Variants in FUT8 observed in about 807,000 individuals in gnomAD.
The protein encoded by FUT8 is fucosyltransferase 8.
A neutral mutation model predicts 71.3 loss-of-function variants in FUT8; 29 were observed. That is an observed-to-expected ratio of 0.41 (90% CI 0.30 to 0.55). The LOEUF is 0.55. FUT8 is among the 20% of genes least tolerant of loss of function. The probability of loss-of-function intolerance (pLI) is 0.34; values close to 1 mark genes in which losing one functional copy is unlikely to be tolerated. For missense variants in FUT8, 544 were observed against 702.1 expected (o/e 0.77, Z 2.55); for synonymous variants, 254 against 239.3 (o/e 1.06, Z -0.57).
intron 6 of FUT8, among the ~76,000 whole-genome samples, chr14:65,667,145 C>T (rs888678023): frequency 3.9e-5 from 6 of 152,082 alleles, no homozygotes; most frequent in Non-Finnish European, 8.8e-5. Context: ...TGCTGTTCAA[C>T]ATAGTTCTAA....
chr14:65,408,603 C>T (rs559515345), upstream of FUT8, among the ~76,000 whole-genome samples: 18 of 152,170 alleles, frequency 1.2e-4, no homozygotes, highest in African/African-American at 2.2e-4. Flanking sequence ...TAAGGAAGGA[C>T]GGGAGTGAAT....
At chr14:65,589,723 C>T (rs1471371140) in intron 3 of FUT8, among the ~76,000 whole-genome samples, 2 of 152,178 alleles carry the variant, frequency 1.3e-5, no homozygotes, top group Admixed American at 6.5e-5. Flanking sequence ...GGATTACAGG[C>T]CTGAGCCACC....
At chr14:65,678,720 A>G (rs1228331964) in intron 7 of FUT8, among the ~76,000 whole-genome samples, 2 of 152,178 alleles carry the variant, frequency 1.3e-5, no homozygotes, top group Non-Finnish European at 2.9e-5. Context: ...ATTTCCACGT[A>G]AATTTTACCT....
intron 1 of FUT8, among the ~76,000 whole-genome samples, chr14:65,439,954 G>GTGTGTGTGTATATATA: frequency 8.1e-4 from 61 of 74,948 alleles, no homozygotes; most frequent in East Asian, 1.2e-3. Flanking sequence ...GTGTGTGTGT[G>GTGTGTGTGTATATATA]TATATATATA....
At chr14:65,431,344 T>C (rs1255197731) in intron 1 of FUT8, among the ~76,000 whole-genome samples, 2 of 142,292 alleles carry the variant, frequency 1.4e-5, no homozygotes, top group African/African-American at 5.2e-5. Context: ...AGGGTCATGC[T>C]CTGTTGCCCA....
chr14:65,605,782 T>C (rs1267686724), intron 3 of FUT8, among the ~76,000 whole-genome samples: 1 of 151,856 alleles, frequency 6.6e-6, no homozygotes, highest in Admixed American at 6.6e-5. Context: ...TCACACTTTT[T>C]AATTGTCGCC....
intron 6 of FUT8, among the ~76,000 whole-genome samples, chr14:65,659,104 G>A (rs1324592054): frequency 1.3e-5 from 2 of 151,950 alleles, no homozygotes; most frequent in Non-Finnish European, 1.5e-5. Flanking sequence ...AAATATTTGA[G>A]GAGTAAAGAA....
At chr14:65,412,039 T>C, upstream of FUT8, 1 of 456,742 alleles carries the variant, frequency 2.2e-6, no homozygotes, top group Non-Finnish European at 4.4e-6. Context: ...CCCCGTGCTG[T>C]TCTCTTTCCC....
At chr14:65,702,949 G>T (rs1243014645) in intron 7 of FUT8, among the ~76,000 whole-genome samples, 1 of 152,134 alleles carries the variant, frequency 6.6e-6, no homozygotes, top group Admixed American at 6.5e-5. Context: ...GTTTCACCCT[G>T]TTGGCCAGGA....
chr14:65,429,605 T>C (rs945319), intron 1 of FUT8, among the ~76,000 whole-genome samples: 9,327 of 152,180 alleles, frequency 0.061, 497 homozygotes, highest in South Asian at 0.2. Context: ...GCCTCATGCC[T>C]GTAATCACAG....
intron 6 of FUT8, among the ~76,000 whole-genome samples, chr14:65,641,878 T>C (rs1162656544): frequency 6.6e-6 from 1 of 152,070 alleles, no homozygotes; most frequent in Non-Finnish European, 1.5e-5. Flanking sequence ...TTGGGATGTT[T>C]GCTTTCTTCT....
intron 10 of FUT8, among the ~76,000 whole-genome samples, chr14:65,740,652 A>T (rs1006648134): frequency 6.6e-6 from 1 of 151,960 alleles, no homozygotes; most frequent in Admixed American, 6.6e-5. Context: ...ACTTCACATG[A>T]CTGGAGCAGG....
intron 7 of FUT8, among the ~76,000 whole-genome samples, chr14:65,672,149 C>T (rs1239246120): frequency 6.6e-6 from 1 of 152,172 alleles, no homozygotes; most frequent in Non-Finnish European, 1.5e-5. Context: ...GTGTGTGAAA[C>T]TATATCCTTT....
In FUT8 at chr14:65,413,377, A is replaced by T. The variant is rs1023589411; in HGVS notation, c.-326+163A>T. On this transcript the variant is annotated intron_variant, in intron 1 of 10. Transcript: ENST00000673929. This position sits in a 1 kb window ranked among gnomAD's most constrained non-coding sequence, Gnocchi z 4.1. Reference sequence around the variant, plus strand: ...GCGGCTCTCGGAAAAGTGGGGAGGGAGCCCCCGGGACGCTCTGGCGGATGC... The same window carrying T: ...GCGGCTCTCGGAAAAGTGGGGAGGGTGCCCCCGGGACGCTCTGGCGGATGC... 6.6e-6 allele frequency among the ~76,000 whole-genome samples: 1 copy of T among 152,080 alleles called. No individual in the cohort carries two copies. Among genetic ancestry groups the T allele is most frequent in the Middle Eastern group, 3.4e-3 (1 of 294 alleles).
At chr14:65,421,739 A>C (rs74056765) in intron 1 of FUT8, among the ~76,000 whole-genome samples, 17,101 of 50,702 alleles carry the variant, frequency 0.34, 416 homozygotes, top group Non-Finnish European at 0.36. Context: ...CCTTTAACCC[A>C]CCCCCCCCTT....
chr14:65,587,553 G>A (rs933497731), intron 3 of FUT8, among the ~76,000 whole-genome samples: 1 of 152,100 alleles, frequency 6.6e-6, no homozygotes, highest in Admixed American at 6.6e-5. Context: ...CAAGACAAAC[G>A]TCTGTATAGT....
At chr14:65,587,573 A>G (rs180946413) in intron 3 of FUT8, among the ~76,000 whole-genome samples, 3 of 152,350 alleles carry the variant, frequency 2.0e-5, no homozygotes, top group Admixed American at 2.0e-4. Context: ...TACCTGTGCT[A>G]TTAATATTTT....
At chr14:65,513,398 T>C (rs908743132) in intron 2 of FUT8, among the ~76,000 whole-genome samples, 1 of 152,212 alleles carries the variant, frequency 6.6e-6, no homozygotes. Context: ...TTCTCACATA[T>C]CCAGCTGCCT....
chr14:65,504,866 C>A (rs2066702281), intron 2 of FUT8, among the ~76,000 whole-genome samples: 1 of 152,116 alleles, frequency 6.6e-6, no homozygotes, highest in Non-Finnish European at 1.5e-5. Context: ...GGCTTGAACC[C>A]AGGAGGCAGA....
Sources: allele counts gnomAD v4.1 joint callset (sites outside exome capture counted in the v4.1 genomes callset), GRCh38; gene constraint gnomAD v4.1.1; non-coding constraint Gnocchi (gnomAD v3.1); transcripts MANE v1.5; gene names NCBI Gene and HGNC (gene_info 2026-07-23, HGNC 2026-07-21).